LATS2: variants seen among roughly 807,000 people sequenced by gnomAD.
LATS2 encodes the protein large tumor suppressor kinase 2.
A neutral mutation model predicts 76.0 loss-of-function variants in LATS2; 24 were observed. The observed-to-expected ratio is 0.32, with a 90% CI of 0.23 to 0.44. The LOEUF (loss-of-function observed/expected upper bound fraction) is 0.44. LATS2 is among the 20% of genes least tolerant of loss of function. The pLI, the probability that LATS2 is intolerant of heterozygous loss-of-function variation, is 1.00. For synonymous variants in LATS2, 692 were observed against 635.4 expected (o/e 1.09, Z -1.34); for missense variants, 1,286 against 1,481.2 (o/e 0.87, Z 2.16).
intron 4 of LATS2, among the ~76,000 whole-genome samples, chr13:20,986,891 T>C (rs756338747): frequency 2.0e-5 from 3 of 152,110 alleles, no homozygotes; most frequent in Non-Finnish European, 4.4e-5. Flanking sequence ...ACAAATACTA[T>C]GTATAAATAA....
chr13:20,989,225 C>T lies in LATS2; in HGVS notation c.555G>A (p.Gln185=), dbSNP rs1473736510. Residue 185 remains glutamine, a synonymous_variant, in exon 4 of 8, where the codon CAG becomes CAA. Coordinates refer to ENST00000382592, the MANE Select transcript of LATS2 (RefSeq NM_014572.3). The part of the protein sequence containing the change: ...GTGDSFASYH[Q]LSGTPYEGPS... The stretch of plus-strand genomic sequence containing the variant: ...GGCCCTCGTAGGGGGTACCGCTCAG[C>T]TGGTGGTAGGACGCAAACGAATCGC... 28 of 1,613,806 alleles carry T rather than the reference C, an allele frequency of 1.7e-5. No individual in the cohort carries two copies. The highest frequency in any genetic ancestry group is 2.4e-5 in the Non-Finnish European group (28 of 1,180,032).
At chr13:21,005,217 G>C (rs1045451818) in intron 2 of LATS2, 2 of 152,418 alleles carry the variant, frequency 1.3e-5, no homozygotes, top group East Asian at 3.9e-4. Context: ...GGTCAGGGCT[G>C]GGGCTGGGGT....
At chr13:21,027,834 G>T (rs767001893) in intron 2 of LATS2, among the ~76,000 whole-genome samples, 1 of 152,030 alleles carries the variant, frequency 6.6e-6, no homozygotes, top group Non-Finnish European at 1.5e-5. Context: ...GATTCTGCTG[G>T]ATCCACAGAT....
At chr13:20,993,698 C>T (rs975872424) in intron 2 of LATS2, among the ~76,000 whole-genome samples, 27 of 152,210 alleles carry the variant, frequency 1.8e-4, no homozygotes, top group African/African-American at 5.5e-4. Flanking sequence ...GAGAAGGCAG[C>T]GGTGGTTCAG....
intron 2 of LATS2, among the ~76,000 whole-genome samples, chr13:21,021,381 G>T (rs1219199354): frequency 1.4e-5 from 2 of 145,214 alleles, no homozygotes; most frequent in Non-Finnish European, 3.0e-5. Flanking sequence ...TCTCAGGCAG[G>T]AGAGCTGCTT....
rs749096860 is a variant in LATS2, at chr13:20,983,786, C to T, written c.1920G>A (p.Glu640=). ...AGAGGATCTTCCGCATCTGCTCCTGCTCAGCTTCACAGAGTCCAGCCTGTG... is the reference window on the plus strand; with the variant it reads ...AGAGGATCTTCCGCATCTGCTCCTGTTCAGCTTCACAGAGTCCAGCCTGTG... ...EMAKAGLCEA[E]QEQMRKILYQ... The change falls in exon 5 of 8, where the codon GAG becomes GAA. Residue 640 remains glutamate, a synonymous_variant. Coordinates refer to ENST00000382592, the MANE Select transcript of LATS2 (RefSeq NM_014572.3). 1 of 1,612,286 alleles carries T rather than the reference C, an allele frequency of 6.2e-7. No homozygotes were observed. The highest frequency in any genetic ancestry group is 8.5e-7 in the Non-Finnish European group (1 of 1,179,812).
Position 20,974,894 on chromosome 13 carries a change from TTCAGTCTGATCCACCAGA to T in LATS2, c.3225_3242del (p.Asp1075_Thr1080del). On this transcript the variant is annotated inframe_deletion, in exon 8 of 8. Transcript: ENST00000382592. ...TCTACACGTACACAGGCTGGCAGCC[TTCAGTCTGATCCACCAGA>T]TCAGAGCTTTCTAAATCTGAGCTCT... 6.2e-7 allele frequency: 1 copy of T among 1,613,494 alleles called. No homozygotes were observed.
In LATS2 at chr13:20,975,151, G is replaced by A; in HGVS notation, c.2986C>T (p.Pro996Ser). Residue 996 changes from proline (P) to serine (S), a missense_variant, in exon 8 of 8, where the codon CCC (proline) becomes TCC (serine). Physicochemically the swap from Pro to Ser is moderately conservative, Grantham distance 74. Around this residue, in one of 5 missense-constraint regions of LATS2, gnomAD observed 210 missense variants for 234.9 expected, o/e 0.89. Coordinates refer to ENST00000382592, the MANE Select transcript of LATS2 (RefSeq NM_014572.3). ...GGGTCGAAATTCGAGGTGTCCATGGGGTGGCTGATGGTGGGAACGTAGGGG... is the reference window on the plus strand; with the variant it reads ...GGGTCGAAATTCGAGGTGTCCATGGAGTGGCTGATGGTGGGAACGTAGGGG... The part of the protein sequence containing the change: ...PAPYVPTISH[P>S]MDTSNFDPVD... 6.2e-7 allele frequency: 1 copy of A among 1,614,208 alleles called. No individual in the cohort carries two copies. The highest frequency in any genetic ancestry group is 8.5e-7 in the Non-Finnish European group (1 of 1,180,046).
intron 2 of LATS2, among the ~76,000 whole-genome samples, chr13:21,016,740 C>T (rs1256462440): frequency 6.6e-6 from 1 of 152,218 alleles, no homozygotes; most frequent in African/African-American, 2.4e-5. Flanking sequence ...AAACCAAGTG[C>T]TTTTCCAAAC....
rs111686103 is a variant in LATS2, at chr13:21,030,506, G to A, written c.342+15179C>T. 4.6e-3 allele frequency among the ~76,000 whole-genome samples: 685 copies of A among 149,662 alleles called. 4 individuals carry two copies. Among genetic ancestry groups the A allele is most frequent in the African/African-American group, 0.013 (545 of 40,410 alleles). On this transcript the variant is annotated intron_variant, in intron 2 of 7. Coordinates refer to ENST00000382592, the MANE Select transcript of LATS2 (RefSeq NM_014572.3). Reference sequence around the variant, plus strand: ...CGGCAGGCTGAGGCAGGAGAATGGCGTGAACCTGGGAAGCGGAGCTTGCAG... The same window carrying A: ...CGGCAGGCTGAGGCAGGAGAATGGCATGAACCTGGGAAGCGGAGCTTGCAG...
At chr13:21,016,353 G>C (rs773599405) in intron 2 of LATS2, among the ~76,000 whole-genome samples, 1 of 151,370 alleles carries the variant, frequency 6.6e-6, no homozygotes, top group South Asian at 2.1e-4. Context: ...GCGTGATCTC[G>C]GCTCACTGCA....
intron 4 of LATS2, among the ~76,000 whole-genome samples, chr13:20,987,072 G>A (rs1173232751): frequency 2.0e-5 from 3 of 152,186 alleles, no homozygotes; most frequent in Admixed American, 2.0e-4. Flanking sequence ...GTAGGCACCT[G>A]TAACCCCAAC....
intron 2 of LATS2, among the ~76,000 whole-genome samples, chr13:21,008,967 T>C (rs1210127079): frequency 6.6e-6 from 1 of 152,078 alleles, no homozygotes; most frequent in Non-Finnish European, 1.5e-5. Flanking sequence ...CCATAATGAA[T>C]GAAAAAAGCA....
intron 2 of LATS2, among the ~76,000 whole-genome samples, chr13:21,008,127 C>T (rs1871432283): frequency 6.6e-6 from 1 of 152,046 alleles, no homozygotes; most frequent in African/African-American, 2.4e-5. Flanking sequence ...CAGAGGTGGA[C>T]GAGGAGCTGA....
intron 2 of LATS2, chr13:21,017,987 T>C (rs1244951489): frequency 6.6e-6 from 1 of 152,192 alleles, no homozygotes; most frequent in Non-Finnish European, 1.5e-5. Flanking sequence ...CATGGTTTTC[T>C]TTATATCCTC....
At chr13:21,027,945 A>G (rs1389001144) in intron 2 of LATS2, among the ~76,000 whole-genome samples, 1 of 151,928 alleles carries the variant, frequency 6.6e-6, no homozygotes, top group Admixed American at 6.6e-5. Flanking sequence ...TATTATTATT[A>G]TACTTTTAAG....
intron 2 of LATS2, among the ~76,000 whole-genome samples, chr13:21,021,166 A>G (rs1368852768): frequency 1.3e-5 from 2 of 152,124 alleles, no homozygotes; most frequent in African/African-American, 4.8e-5. Context: ...TATGTTAAAC[A>G]TTTTCCATAA....
In LATS2 at chr13:20,991,016, T is replaced by G. The variant is rs1870484511; in HGVS notation, c.475+256A>C. Among the ~76,000 whole-genome samples the G allele has an allele frequency of 2.0e-5, 3 of 152,236 alleles. No homozygotes were observed. Among genetic ancestry groups the G allele is most frequent in the African/African-American group, 7.2e-5 (3 of 41,468 alleles). On this transcript the variant is annotated intron_variant, in intron 3 of 7. Coordinates refer to ENST00000382592, the MANE Select transcript of LATS2 (RefSeq NM_014572.3). The surrounding 1 kb of genome is among the most constrained non-coding windows in gnomAD (Gnocchi z 4.9). ...CACACACCTTCCCCTAGGTAGGAAGTACTAAGGTAATTTCAGACAAGGCTG... is the reference window on the plus strand; with the variant it reads ...CACACACCTTCCCCTAGGTAGGAAGGACTAAGGTAATTTCAGACAAGGCTG...
Position 20,987,874 on chromosome 13 carries a change from A to G in LATS2, c.1899+7T>C, listed in dbSNP as rs1279088737. 1.8e-5 allele frequency: 29 copies of G among 1,609,962 alleles called. No individual in the cohort carries two copies. The highest frequency in any genetic ancestry group is 2.5e-5 in the Non-Finnish European group (29 of 1,177,376). On this transcript the variant is annotated splice_region_variant and intron_variant, in intron 4 of 7. Transcript: ENST00000382592. ...GAACAAATAGTAAAAATGAAGTGTG[A>G]AATTACTTTGGCCATTTCTTGCTCC...
Sources: gnomAD v4.1 joint callset for allele counts (sites outside exome capture counted in the v4.1 genomes callset) on GRCh38, gnomAD v4.1.1 for gene constraint, gnomAD v4.1.1 regional missense constraint, Gnocchi (gnomAD v3.1) non-coding constraint, MANE v1.5 for transcripts, NCBI Gene and HGNC (gene_info 2026-07-23, HGNC 2026-07-21) for gene names.